Variants in FOXN3 observed in about 807,000 individuals in gnomAD.
FOXN3 encodes the protein forkhead box protein N3.
FOXN3 carries 7 observed loss-of-function variants against 38.4 expected under a neutral mutation model. The observed-to-expected ratio is 0.18, with a 90% CI of 0.10 to 0.34. The LOEUF is 0.34. Among genes scored for constraint, FOXN3 ranks in the 10% least tolerant of loss-of-function variants. FOXN3 has a pLI of 1.00. For synonymous variants in FOXN3, 230 were observed against 242.2 expected, an observed-to-expected ratio of 0.95 and a Z score of 0.47; for missense variants, 456 against 613.4, an observed-to-expected ratio of 0.74 and a Z score of 2.71.
intron 4 of FOXN3, among the ~76,000 whole-genome samples, chr14:89,186,428 A>C (rs1887810692): frequency 6.6e-6 from 1 of 152,078 alleles, no homozygotes; most frequent in Non-Finnish European, 1.5e-5. Flanking sequence ...CCTGACTAAC[A>C]AGTCCTCCAT....
intron 1 of FOXN3, among the ~76,000 whole-genome samples, chr14:89,595,533 A>G (rs1477286428): frequency 2.6e-5 from 4 of 152,146 alleles, no homozygotes; most frequent in Non-Finnish European, 4.4e-5. Context: ...TACTTTTTTC[A>G]TATTTACTTC....
At chr14:89,350,929 G>T (rs1343349243) in intron 2 of FOXN3, 121 bp from the exon 3 acceptor site, 2 of 709,744 alleles carry the variant, frequency 2.8e-6, no homozygotes, top group East Asian at 3.3e-5. Context: ...TTGACTGTTT[G>T]CCAGCCTTAA....
At chr14:89,245,905 C>G (rs940928402) in intron 4 of FOXN3, among the ~76,000 whole-genome samples, 2 of 152,160 alleles carry the variant, frequency 1.3e-5, no homozygotes, top group African/African-American at 2.4e-5. Flanking sequence ...CCCTGTGACA[C>G]TTGCTGGAAA....
intron 4 of FOXN3, among the ~76,000 whole-genome samples, chr14:89,279,580 T>G (rs1886396970): frequency 1.3e-5 from 2 of 152,204 alleles, no homozygotes. Flanking sequence ...CAAAGGCTGA[T>G]CCTAATCAGT....
chr14:89,234,641 GC>G (rs1477639094), intron 4 of FOXN3, among the ~76,000 whole-genome samples: 3 of 141,740 alleles, frequency 2.1e-5, no homozygotes, highest in South Asian at 2.3e-4. Flanking sequence ...CTCTCTCTCT[GC>G]CCCCCTCCCT....
intron 1 of FOXN3, among the ~76,000 whole-genome samples, chr14:89,610,864 CCTT>C (rs1896374923): frequency 6.6e-6 from 1 of 152,144 alleles, no homozygotes; most frequent in Non-Finnish European, 1.5e-5. Context: ...TTGGCATTTC[CCTT>C]GATTGATCTT....
intron 1 of FOXN3, among the ~76,000 whole-genome samples, chr14:89,433,132 C>T (rs954004766): frequency 6.6e-6 from 1 of 152,044 alleles, no homozygotes; most frequent in African/African-American, 2.4e-5. Context: ...GGTGAGTCAC[C>T]TGAGGTCAGG....
chr14:89,215,604 C>G (rs942078588), intron 4 of FOXN3, among the ~76,000 whole-genome samples: 9 of 152,170 alleles, frequency 5.9e-5, no homozygotes, highest in African/African-American at 2.2e-4. Context: ...CAGAAAAACT[C>G]TCAGTCTTTA....
At chr14:89,354,595 C>T (rs1889128541) in intron 2 of FOXN3, among the ~76,000 whole-genome samples, 1 of 149,434 alleles carries the variant, frequency 6.7e-6, no homozygotes, top group African/African-American at 2.5e-5. Context: ...TGGCTCATGC[C>T]TGTAATCCCA....
At chr14:89,260,193 C>T (rs1341734308) in intron 4 of FOXN3, among the ~76,000 whole-genome samples, 1 of 152,246 alleles carries the variant, frequency 6.6e-6, no homozygotes, top group Non-Finnish European at 1.5e-5. Flanking sequence ...TCGGTGCTTA[C>T]GTAACTGCTC....
intron 2 of FOXN3, among the ~76,000 whole-genome samples, chr14:89,404,347 T>C (rs1891330425): frequency 6.6e-6 from 1 of 151,508 alleles, no homozygotes; most frequent in Non-Finnish European, 1.5e-5. Flanking sequence ...CCACTAAAAA[T>C]ACAAAAATTA....
At chr14:89,338,488 T>C (rs1357098469) in intron 3 of FOXN3, among the ~76,000 whole-genome samples, 2 of 152,104 alleles carry the variant, frequency 1.3e-5, no homozygotes, top group African/African-American at 2.4e-5. Context: ...ACCATATATA[T>C]AAGGGCCAAA....
intron 2 of FOXN3, chr14:89,364,353 GTTTTGT>G (rs148973197): frequency 0.98 from 146,121 of 149,560 alleles, 71,425 homozygotes; most frequent in Middle Eastern, 1. Flanking sequence ...TTGTTTTTTT[GTTTTGT>G]TTTTGTTTTT....
intron 2 of FOXN3, among the ~76,000 whole-genome samples, chr14:89,408,433 G>A (rs1891449287): frequency 6.6e-6 from 1 of 151,672 alleles, no homozygotes; most frequent in Non-Finnish European, 1.5e-5. Flanking sequence ...AATTATTTTT[G>A]TATTTTTTGT....
At chr14:89,413,156 G>A (rs1231816735) in intron 1 of FOXN3, among the ~76,000 whole-genome samples, 1 of 152,108 alleles carries the variant, frequency 6.6e-6, no homozygotes. Flanking sequence ...CAAACAGAAT[G>A]ACCCCTACAG....
intron 4 of FOXN3, among the ~76,000 whole-genome samples, chr14:89,238,369 C>A (rs1201439805): frequency 6.6e-6 from 1 of 152,246 alleles, no homozygotes; most frequent in East Asian, 1.9e-4. Context: ...CCAGGGACAT[C>A]TGGAACAAAT....
At position 89,412,130 on chromosome 14, in the gene FOXN3, G is replaced by C; in HGVS notation, c.347C>G (p.Pro116Arg). ...AAATATGAGGCAGCTGAAGGAGTAGGGGGGTTTGCAGTTGGGGTTCTGCCT... is the reference window on the plus strand; with the variant it reads ...AAATATGAGGCAGCTGAAGGAGTAGCGGGGTTTGCAGTTGGGGTTCTGCCT... ...DARQNPNCKPPYSFSCLIFMA... is the reference protein window; with the variant it reads ...DARQNPNCKPRYSFSCLIFMA... The change falls in exon 2 of 6, where the codon CCC becomes CGC. Residue 116 changes from proline (P) to arginine (R), a missense_variant. Pro to Arg is a moderately radical substitution (Grantham distance 103). Around this residue, in one of 3 missense-constraint regions of FOXN3, gnomAD observed 386 missense variants for 505.2 expected, o/e 0.76. Coordinates refer to ENST00000557258, the MANE Select transcript of FOXN3 (RefSeq NM_005197.4). This position sits in a 1 kb window ranked among gnomAD's most constrained non-coding sequence, Gnocchi z 4.7. 6.2e-7 allele frequency: 1 copy of C among 1,612,054 alleles called. No individual in the cohort carries two copies. Among genetic ancestry groups the C allele is most frequent in the Non-Finnish European group, 8.5e-7 (1 of 1,178,660 alleles).
intron 1 of FOXN3, among the ~76,000 whole-genome samples, chr14:89,570,010 T>C (rs969143868): frequency 6.6e-6 from 1 of 151,886 alleles, no homozygotes; most frequent in African/African-American, 2.4e-5. Flanking sequence ...TATGTTTTTT[T>C]TTTTTTTTGA....
intron 1 of FOXN3, among the ~76,000 whole-genome samples, chr14:89,531,031 AATATATACACATTTATT>A (rs1894553188): frequency 6.8e-6 from 1 of 147,950 alleles, no homozygotes; most frequent in South Asian, 2.1e-4. Context: ...ACACATATAT[AATATATACACATTTATT>A]ATATATACAC....
Sources: gnomAD v4.1 joint callset for allele counts (sites outside exome capture counted in the v4.1 genomes callset) on GRCh38, gnomAD v4.1.1 for gene constraint, gnomAD v4.1.1 regional missense constraint, Gnocchi (gnomAD v3.1) non-coding constraint, MANE v1.5 for transcripts, NCBI Gene and HGNC (gene_info 2026-07-23, HGNC 2026-07-21) for gene names.